LUZP2: variants seen among roughly 807,000 people sequenced by gnomAD.
The protein encoded by LUZP2 is leucine zipper protein 2.
Under a neutral mutation model 51.6 loss-of-function variants are expected in LUZP2, and 52 were observed. The ratio of observed to expected loss-of-function variants is 1.01; its 90% CI spans 0.81 to 1.27. The LOEUF is 1.27. Ranked by LOEUF, LUZP2 falls within the 50% of genes most tolerant of loss-of-function variation. The probability of loss-of-function intolerance (pLI) is 0.00; values close to 1 mark genes in which losing one functional copy is unlikely to be tolerated. For missense variants in LUZP2, 436 were observed against 395.4 expected (o/e 1.10, Z -0.87); for synonymous variants, 154 against 137.3 (o/e 1.12, Z -0.85).
intron 5 of LUZP2, among the ~76,000 whole-genome samples, chr11:24,893,547 C>T (rs374514172): frequency 1.0e-3 from 155 of 152,200 alleles, no homozygotes; most frequent in African/African-American, 3.5e-3. Context: ...GAAGACTACA[C>T]ATAATATATC....
chr11:24,615,582 T>C (rs1352795187), intron 1 of LUZP2, among the ~76,000 whole-genome samples: 1 of 152,018 alleles, frequency 6.6e-6, no homozygotes, highest in Non-Finnish European at 1.5e-5. Flanking sequence ...GTTTTGGAGT[T>C]ATTACCAATA....
chr11:24,773,235 A>G (rs1294935605), intron 5 of LUZP2, among the ~76,000 whole-genome samples: 2 of 152,178 alleles, frequency 1.3e-5, no homozygotes, highest in Non-Finnish European at 2.9e-5. Context: ...TATTGTCCCA[A>G]CATTGTGCTA....
At chr11:24,962,438 A>G (rs1351074677) in intron 7 of LUZP2, among the ~76,000 whole-genome samples, 3 of 152,140 alleles carry the variant, frequency 2.0e-5, no homozygotes, top group Non-Finnish European at 4.4e-5. Context: ...ACATAGTCCC[A>G]TATTTCTTGG....
At chr11:24,902,511 A>G (rs1392539258) in intron 5 of LUZP2, among the ~76,000 whole-genome samples, 1 of 152,144 alleles carries the variant, frequency 6.6e-6, no homozygotes, top group Non-Finnish European at 1.5e-5. Flanking sequence ...AAATGGTTCT[A>G]TGGAACATCT....
chr11:24,803,519 A>T (rs1217487269), intron 5 of LUZP2, among the ~76,000 whole-genome samples: 2 of 149,726 alleles, frequency 1.3e-5, no homozygotes, highest in African/African-American at 5.0e-5. Flanking sequence ...TCAAAAAGAT[A>T]TTCATACACC....
chr11:24,703,455 A>G (rs1194210476), intron 1 of LUZP2, among the ~76,000 whole-genome samples: 1 of 152,208 alleles, frequency 6.6e-6, no homozygotes. Flanking sequence ...GATTTCATTC[A>G]GAACAATGAT....
intron 1 of LUZP2, among the ~76,000 whole-genome samples, chr11:24,658,443 TA>T (rs1228039835): frequency 1.3e-5 from 2 of 152,148 alleles, no homozygotes; most frequent in Non-Finnish European, 2.9e-5. Flanking sequence ...ATTAAAGACT[TA>T]AATGTTAGAC....
intron 7 of LUZP2, among the ~76,000 whole-genome samples, chr11:24,967,857 TATC>T (rs1855633050): frequency 6.6e-6 from 1 of 152,186 alleles, no homozygotes; most frequent in African/African-American, 2.4e-5. Flanking sequence ...AGATATTGGT[TATC>T]ATCATCTAGT....
chr11:24,964,420 A>T (rs898030215), intron 7 of LUZP2, among the ~76,000 whole-genome samples: 2 of 152,146 alleles, frequency 1.3e-5, no homozygotes, highest in Non-Finnish European at 2.9e-5. Flanking sequence ...AAGTTTTTTC[A>T]CTTTATACCC....
chr11:24,594,242 C>T (rs1853354195), intron 1 of LUZP2, among the ~76,000 whole-genome samples: 1 of 152,108 alleles, frequency 6.6e-6, no homozygotes, highest in Admixed American at 6.6e-5. Context: ...AAGATCAATG[C>T]TGAGCATTCT....
At chr11:24,733,896 G>C (rs1366537665) in intron 3 of LUZP2, among the ~76,000 whole-genome samples, 1 of 151,664 alleles carries the variant, frequency 6.6e-6, no homozygotes, top group Non-Finnish European at 1.5e-5. Context: ...AGCACCCAGT[G>C]AGAGACTGAG....
chr11:24,905,011 A>G (rs934667204), intron 5 of LUZP2, among the ~76,000 whole-genome samples: 2 of 152,178 alleles, frequency 1.3e-5, no homozygotes, highest in African/African-American at 4.8e-5. Context: ...TGATTTAAAA[A>G]ATGACAAATA....
At chr11:25,062,598 A>AAC (rs1223353214) in intron 10 of LUZP2, among the ~76,000 whole-genome samples, 4 of 132,370 alleles carry the variant, frequency 3.0e-5, no homozygotes, top group African/African-American at 1.5e-4. Context: ...AAAAAAAAAA[A>AAC]AAAAAAAAAA....
chr11:24,667,024 T>G (rs1215905182), intron 1 of LUZP2, among the ~76,000 whole-genome samples: 1 of 152,164 alleles, frequency 6.6e-6, no homozygotes, highest in Non-Finnish European at 1.5e-5. Flanking sequence ...TGAAATAGTT[T>G]GTGAAAATAT....
chr11:24,657,157 C>A (rs1855835217), intron 1 of LUZP2, among the ~76,000 whole-genome samples: 1 of 152,000 alleles, frequency 6.6e-6, no homozygotes, highest in South Asian at 2.1e-4. Context: ...ACTTAGAAGG[C>A]TATTGTAGTA....
At chr11:24,837,280 A>G (rs1003644854) in intron 5 of LUZP2, among the ~76,000 whole-genome samples, 5 of 151,746 alleles carry the variant, frequency 3.3e-5, no homozygotes, top group African/African-American at 1.2e-4. Flanking sequence ...ATATCTAAGA[A>G]CACAAAACAG....
intron 1 of LUZP2, among the ~76,000 whole-genome samples, chr11:24,561,831 GATA>G (rs987608716): frequency 1.4e-5 from 1 of 69,648 alleles, no homozygotes; most frequent in Admixed American, 1.5e-4. Flanking sequence ...TAATAATAAT[GATA>G]ATAATAAAGA....
At chr11:24,597,279 G>A (rs11603159) in intron 1 of LUZP2, among the ~76,000 whole-genome samples, 13,025 of 152,126 alleles carry the variant, frequency 0.086, 642 homozygotes, top group Admixed American at 0.12. Context: ...CTGTTCATAT[G>A]TGCATTTGAC....
intron 1 of LUZP2, among the ~76,000 whole-genome samples, chr11:24,643,296 G>C (rs1423677700): frequency 2.0e-5 from 3 of 151,250 alleles, no homozygotes; most frequent in African/African-American, 7.3e-5. Context: ...GCGTGGTGGT[G>C]CATCTGTCTG....
Sources: allele counts gnomAD v4.1 joint callset (sites outside exome capture counted in the v4.1 genomes callset), GRCh38; gene constraint gnomAD v4.1.1; transcripts MANE v1.5; gene names NCBI Gene and HGNC (gene_info 2026-07-23, HGNC 2026-07-21).